DPY19L2: variants seen among roughly 807,000 people sequenced by gnomAD.
The protein encoded by DPY19L2 is dpy-19 like 2, also known as probable C-mannosyltransferase DPY19L2.
DPY19L2 carries 34 observed loss-of-function variants against 97.9 expected under a neutral mutation model. That is an observed-to-expected ratio of 0.35 (90% confidence interval 0.26 to 0.46). The LOEUF is 0.46. Ranked by LOEUF, DPY19L2 falls within the 20% of genes least tolerant of loss-of-function variation. The pLI is 1.00. For synonymous variants in DPY19L2, 230 were observed against 307.9 expected (o/e 0.75, Z 2.65); for missense variants, 623 against 911.4 (o/e 0.68, Z 4.07).
intron 11 of DPY19L2, 67 bp downstream of exon 11, chr12:63,617,237 G>A: frequency 1.0e-6 from 1 of 1,001,266 alleles, no homozygotes; most frequent in Non-Finnish European, 1.5e-6. Context: ...TCTTATACCT[G>A]TTTTAGACAG....
At chr12:63,638,957 T>C (rs1892225646) in intron 6 of DPY19L2, among the ~76,000 whole-genome samples, 1 of 152,070 alleles carries the variant, frequency 6.6e-6, no homozygotes, top group Non-Finnish European at 1.5e-5. Flanking sequence ...CAAACTATAC[T>C]ACAAGGCTAC....
At chr12:63,639,574 T>G (rs1892344636) in intron 6 of DPY19L2, among the ~76,000 whole-genome samples, 2 of 152,170 alleles carry the variant, frequency 1.3e-5, no homozygotes, top group Admixed American at 1.3e-4. Context: ...AGAAGACATT[T>G]ATGCAGCCAA....
At chr12:63,589,512 A>T (rs1882510111) in intron 16 of DPY19L2, among the ~76,000 whole-genome samples, 1 of 152,000 alleles carries the variant, frequency 6.6e-6, no homozygotes, top group Non-Finnish European at 1.5e-5. Flanking sequence ...TTTATGCAAC[A>T]CTGTGTTGGG....
intron 21 of DPY19L2, among the ~76,000 whole-genome samples, chr12:63,561,549 G>T (rs190579044): frequency 0.049 from 7,410 of 151,656 alleles, 529 homozygotes; most frequent in African/African-American, 0.17. Context: ...CTTTACCATA[G>T]CATGTTTTTG....
rs192696117 is a variant in DPY19L2, at chr12:63,637,124, A to T, written c.803+7279T>A. On this transcript the variant is annotated intron_variant, in intron 6 of 21. Coordinates refer to ENST00000324472, the MANE Select transcript of DPY19L2 (RefSeq NM_173812.5). The stretch of plus-strand genomic sequence containing the variant: ...GGCAATCAAACTAGAACTCAGGATT[A>T]AGAAACTCACTCAAAACCACACAAC... 2.3e-3 allele frequency among the ~76,000 whole-genome samples: 344 copies of T among 152,320 alleles called. 1 individual carries two copies. Among genetic ancestry groups the T allele is most frequent in the South Asian group, 5.2e-3 (25 of 4,828 alleles).
intron 10 of DPY19L2, among the ~76,000 whole-genome samples, chr12:63,617,711 A>T (rs1233062000): frequency 1.3e-5 from 2 of 152,126 alleles, no homozygotes; most frequent in African/African-American, 4.8e-5. Context: ...TACTAATCAT[A>T]TTTTTGTTAG....
chr12:63,571,063 A>G (rs1436573821), intron 19 of DPY19L2, among the ~76,000 whole-genome samples: 1 of 152,064 alleles, frequency 6.6e-6, no homozygotes, highest in Non-Finnish European at 1.5e-5. Flanking sequence ...TGGGGCTAGA[A>G]ATTGTGCTCC....
At chr12:63,599,158 T>C (rs1592510616) in intron 13 of DPY19L2, among the ~76,000 whole-genome samples, 2 of 145,038 alleles carry the variant, frequency 1.4e-5, no homozygotes, top group Admixed American at 7.2e-5. Context: ...GGTGACAGCA[T>C]GAGACTGTGT....
intron 4 of DPY19L2, among the ~76,000 whole-genome samples, chr12:63,656,742 CT>C (rs1428011950): frequency 2.6e-5 from 4 of 152,016 alleles, no homozygotes; most frequent in South Asian, 2.1e-4. Flanking sequence ...CCTTCCTCCA[CT>C]TTTTTTTCTC....
chr12:63,601,581 G>A (rs978654070), intron 12 of DPY19L2, among the ~76,000 whole-genome samples: 18 of 151,992 alleles, frequency 1.2e-4, no homozygotes, highest in African/African-American at 4.1e-4. Context: ...GAGAATGAGG[G>A]GAGACCCATA....
At chr12:63,638,766 T>C (rs137906932) in intron 6 of DPY19L2, among the ~76,000 whole-genome samples, 4,509 of 152,160 alleles carry the variant, frequency 0.03, 106 homozygotes, top group Middle Eastern at 0.082. Context: ...ATCGTGAAAA[T>C]TGCCATACTG....
At chr12:63,633,454 C>T (rs993963153) in intron 6 of DPY19L2, among the ~76,000 whole-genome samples, 10 of 152,224 alleles carry the variant, frequency 6.6e-5, no homozygotes, top group African/African-American at 1.7e-4. Flanking sequence ...CCAATAGACA[C>T]ACGAAAAAAT....
At chr12:63,631,053 G>A (rs1890533084) in intron 6 of DPY19L2, among the ~76,000 whole-genome samples, 1 of 152,008 alleles carries the variant, frequency 6.6e-6, no homozygotes, top group Non-Finnish European at 1.5e-5. Flanking sequence ...GAATCTCTGG[G>A]ACACATTCAA....
At chr12:63,636,106 G>GC (rs926992476) in intron 6 of DPY19L2, among the ~76,000 whole-genome samples, 4 of 150,702 alleles carry the variant, frequency 2.7e-5, no homozygotes, top group Admixed American at 6.6e-5. Flanking sequence ...AAGCCAGAAG[G>GC]GGGGGCGGCC....
chr12:63,620,741 A>G (rs1419712303), intron 9 of DPY19L2, among the ~76,000 whole-genome samples: 1 of 152,218 alleles, frequency 6.6e-6, no homozygotes, highest in East Asian at 1.9e-4. Flanking sequence ...TCATTCTATT[A>G]CAAAGACACG....
chr12:63,655,366 T>C (rs141886116), intron 4 of DPY19L2, among the ~76,000 whole-genome samples: 1 of 152,304 alleles, frequency 6.6e-6, no homozygotes, highest in African/African-American at 2.4e-5. Flanking sequence ...TGTGCTTACG[T>C]TGTATCCATT....
rs373163687 is a variant in DPY19L2 at position 63,585,727 on chromosome 12, A to G, written c.1581-1891T>C. On this transcript the variant is annotated intron_variant, in intron 16 of 21. Coordinates refer to ENST00000324472, the MANE Select transcript of DPY19L2 (RefSeq NM_173812.5). ...AATGTGAATATACAACCAAATCCCA[A>G]GACACAGATATCATGAAAAGGAAAC... Among the ~76,000 whole-genome samples, 68 of 152,276 alleles carry G rather than the reference A, an allele frequency of 4.5e-4. 2 individuals are homozygous for G. The highest frequency in any genetic ancestry group is 1.6e-3 in the African/African-American group (66 of 41,546).
At chr12:63,647,549 A>C (rs1893591198) in intron 4 of DPY19L2, among the ~76,000 whole-genome samples, 184 bp from the exon 5 acceptor site, 1 of 152,160 alleles carries the variant, frequency 6.6e-6, no homozygotes, top group Non-Finnish European at 1.5e-5. Context: ...GGACATAAAA[A>C]CAAACACTGC....
intron 9 of DPY19L2, among the ~76,000 whole-genome samples, chr12:63,618,536 C>G (rs1888195207): frequency 1.3e-5 from 2 of 152,054 alleles, no homozygotes; most frequent in South Asian, 2.1e-4. Flanking sequence ...AGGTATCTGC[C>G]AATTTCAACA....
Sources: allele counts gnomAD v4.1 joint callset (sites outside exome capture counted in the v4.1 genomes callset), GRCh38; gene constraint gnomAD v4.1.1; transcripts MANE v1.5; gene names NCBI Gene and HGNC (gene_info 2026-07-23, HGNC 2026-07-21).